The following DYM variants were observed in gnomAD, a reference collection of about 807,000 sequenced individuals.
DYM encodes dymeclin.
In DYM, 78 loss-of-function variants were observed where a neutral mutation model predicts 93.1. The ratio of observed to expected loss-of-function variants is 0.84; its 90% CI spans 0.70 to 1.01. The LOEUF (loss-of-function observed/expected upper bound fraction) is 1.01. DYM is among the 50% of genes least tolerant of loss of function. DYM has a pLI of 0.00. For missense variants in DYM, 789 were observed against 845.0 expected (o/e 0.93, Z 0.82); for synonymous variants, 321 against 319.7 (o/e 1.00, Z -0.04).
chr18:49,076,608 C>T (rs180960858), intron 17 of DYM, among the ~76,000 whole-genome samples: 1 of 152,268 alleles, frequency 6.6e-6, no homozygotes, highest in East Asian at 1.9e-4. Context: ...TTAAAACAAC[C>T]CTTGAAGGTA....
intron 17 of DYM, among the ~76,000 whole-genome samples, chr18:49,058,597 G>A (rs976526281): frequency 6.6e-6 from 1 of 152,176 alleles, no homozygotes; most frequent in African/African-American, 2.4e-5. Context: ...ACAGGTGTGA[G>A]CCACACTGCC....
At chr18:49,303,504 C>T (rs1234556239) in intron 8 of DYM, among the ~76,000 whole-genome samples, 1 of 152,156 alleles carries the variant, frequency 6.6e-6, no homozygotes, top group South Asian at 2.1e-4. Flanking sequence ...TGGAGAGAGA[C>T]AGATCTGCAA....
chr18:49,410,374 T>C (rs1411521702), intron 2 of DYM, among the ~76,000 whole-genome samples: 3 of 151,894 alleles, frequency 2.0e-5, no homozygotes, highest in Non-Finnish European at 2.9e-5. Context: ...GATTTTTAAG[T>C]ATTATAAGAG....
At chr18:49,351,407 G>A (rs1461685419) in intron 6 of DYM, among the ~76,000 whole-genome samples, 2 of 151,842 alleles carry the variant, frequency 1.3e-5, no homozygotes, top group Non-Finnish European at 2.9e-5. Context: ...TTTAAAAAGA[G>A]GGAAGAAATG....
chr18:49,416,917 C>G (rs1383356409), intron 2 of DYM, among the ~76,000 whole-genome samples: 1 of 152,096 alleles, frequency 6.6e-6, no homozygotes, highest in Non-Finnish European at 1.5e-5. Flanking sequence ...TAGTTAGAGC[C>G]CCTACACCCT....
In DYM at chr18:49,097,461, C is replaced by T; in HGVS notation, c.1966G>A (p.Glu656Lys). 1 of 1,614,044 alleles carries T rather than the reference C, an allele frequency of 6.2e-7. No homozygotes were observed. Among genetic ancestry groups the T allele is most frequent in the Middle Eastern group, 1.7e-4 (1 of 6,060 alleles). ...LLQAGAELSV[E>K]RVLEIIKQGV... is the part of the protein sequence containing the mutation. ...TGCTTAATGATTTCCAGGACCCGTT[C>T]CACTGACAGCTCAGCTCCAGCTTGC... is the stretch of plus-strand genomic sequence containing the variant. The change falls in exon 17 of 18, where the codon GAA becomes AAA. Residue 656 changes from glutamate to lysine, a missense_variant. Physicochemically the swap from Glu to Lys is moderately conservative, Grantham distance 56. Transcript: ENST00000675505.
At chr18:49,142,289 T>C (rs1055601864) in intron 15 of DYM, among the ~76,000 whole-genome samples, 2 of 152,202 alleles carry the variant, frequency 1.3e-5, no homozygotes, top group Non-Finnish European at 2.9e-5. Flanking sequence ...GTGTTGTGTT[T>C]ATTTTCAGAT....
intron 17 of DYM, among the ~76,000 whole-genome samples, chr18:49,093,516 G>A (rs978938348): frequency 2.0e-5 from 3 of 152,176 alleles, no homozygotes; most frequent in African/African-American, 4.8e-5. Context: ...GAAATGTGGA[G>A]CAGCCACATG....
At chr18:49,148,135 T>C (rs557698731) in intron 15 of DYM, among the ~76,000 whole-genome samples, 30 of 152,104 alleles carry the variant, frequency 2.0e-4, no homozygotes, top group Non-Finnish European at 4.3e-4. Flanking sequence ...CAGGTGGGAA[T>C]TGAACAATGA....
At position 49,378,438 on chromosome 18, in the gene DYM, T is replaced by C. The variant is rs1386781121; in HGVS notation, c.421+129A>G. The C allele has an allele frequency of 9.0e-6, 8 of 893,090 alleles. No homozygotes were observed. In the East Asian group the frequency reaches 1.9e-4, roughly 21 times the overall value. The allele number at this position is 893,090 out of a possible 1,614,324, so 55.3% of individuals were successfully genotyped here. A position where few individuals can be genotyped will look rare whatever the true frequency, so the allele number is the denominator to read the frequency against. On this transcript the variant is annotated intron_variant, in intron 5 of 17. Coordinates refer to ENST00000675505, the MANE Select transcript of DYM (RefSeq NM_001353214.3). ...AACACAGAAAAAGAAAAAATGACAG[T>C]ATAAGTTCATTTTAAAATGAAAATT...
At chr18:49,459,767 C>A (rs2083318704) in intron 1 of DYM, among the ~76,000 whole-genome samples, 1 of 152,118 alleles carries the variant, frequency 6.6e-6, no homozygotes, top group African/African-American at 2.4e-5. Context: ...ACCCTCAAAC[C>A]CCACTACTGC....
chr18:49,081,751 T>G (rs2145203921), intron 17 of DYM, among the ~76,000 whole-genome samples: 1 of 152,246 alleles, frequency 6.6e-6, no homozygotes, highest in East Asian at 1.9e-4. Flanking sequence ...ATTCCTCCAC[T>G]ATTTTCAGAG....
chr18:49,317,156 A>G (rs995508085), intron 8 of DYM, among the ~76,000 whole-genome samples: 1 of 152,236 alleles, frequency 6.6e-6, no homozygotes, highest in African/African-American at 2.4e-5. Flanking sequence ...GGAAATTTGT[A>G]TATGAGGACT....
At chr18:49,053,927 G>A (rs955798785) in intron 17 of DYM, among the ~76,000 whole-genome samples, 3 of 152,170 alleles carry the variant, frequency 2.0e-5, no homozygotes, top group East Asian at 3.9e-4. Flanking sequence ...AAGAACAAGC[G>A]GGGAGCATGA....
chr18:49,197,980 G>A (rs538926567), intron 14 of DYM, among the ~76,000 whole-genome samples: 200 of 152,156 alleles, frequency 1.3e-3, no homozygotes, highest in Non-Finnish European at 2.5e-3. Context: ...ACTTCAAACT[G>A]TACTACAAGG....
chr18:49,317,646 C>CTCCTCCCCT, intron 8 of DYM, among the ~76,000 whole-genome samples: 1 of 36,612 alleles, frequency 2.7e-5, no homozygotes, highest in South Asian at 1.5e-3. Flanking sequence ...ATCCTCTCCT[C>CTCCTCCCCT]TCCTTCCTTC....
chr18:49,221,852 CA>C (rs567985184), intron 13 of DYM, among the ~76,000 whole-genome samples: 35 of 152,038 alleles, frequency 2.3e-4, no homozygotes, highest in Admixed American at 9.2e-4. Flanking sequence ...CACATGTATA[CA>C]TATGTAACTA....
intron 17 of DYM, among the ~76,000 whole-genome samples, chr18:49,052,646 C>A (rs1239704246): frequency 6.6e-6 from 1 of 152,250 alleles, no homozygotes; most frequent in East Asian, 1.9e-4. Context: ...CTCTTGGTGG[C>A]CCAGGGCCCC....
At chr18:49,259,230 C>T (rs930790484) in intron 11 of DYM, among the ~76,000 whole-genome samples, 15 of 152,176 alleles carry the variant, frequency 9.9e-5, no homozygotes, top group African/African-American at 3.6e-4. Context: ...GGGAACCCAC[C>T]ACCTTGCAAA....
Sources: gnomAD v4.1 joint callset for allele counts (sites outside exome capture counted in the v4.1 genomes callset) on GRCh38, gnomAD v4.1.1 for gene constraint, MANE v1.5 for transcripts, NCBI Gene and HGNC (gene_info 2026-07-23, HGNC 2026-07-21) for gene names.